EPHB2: variants seen among roughly 807,000 people sequenced by gnomAD.
The protein encoded by EPHB2 is EPH receptor B2.
EPHB2 carries 18 observed loss-of-function variants against 96.4 expected under a neutral mutation model. The ratio of observed to expected loss-of-function variants is 0.19; its 90% CI spans 0.13 to 0.28. The LOEUF (loss-of-function observed/expected upper bound fraction) is 0.28. Among genes scored for constraint, EPHB2 ranks in the 10% least tolerant of loss-of-function variants. EPHB2 has a pLI of 1.00. For missense variants in EPHB2, 989 were observed against 1,355.4 expected, an observed-to-expected ratio of 0.73 and a Z score of 4.25; for synonymous variants, 506 against 534.1, an observed-to-expected ratio of 0.95 and a Z score of 0.72.
At position 22,913,615 on chromosome 1, in the gene EPHB2, T is replaced by C. The variant is rs1157541106; in HGVS notation, c.*45T>C. The C allele has an allele frequency of 6.2e-7, 1 of 1,611,636 alleles. No homozygotes were observed. The highest frequency in any genetic ancestry group is 1.1e-5 in the South Asian group (1 of 90,488). Reference sequence around the variant, plus strand: ...ACCTCTTCCTCCAAGCCCCGCCCCCTCTGCCCCACGTGCCGGCCCTCCTGG... The same window carrying C: ...ACCTCTTCCTCCAAGCCCCGCCCCCCCTGCCCCACGTGCCGGCCCTCCTGG... On this transcript the variant is annotated 3_prime_UTR_variant, in exon 16 of 16. Transcript: ENST00000374630. This position sits in a 1 kb window ranked among gnomAD's most constrained non-coding sequence, Gnocchi z 4.1.
At chr1:22,865,575 G>A (rs908968947) in intron 5 of EPHB2, among the ~76,000 whole-genome samples, 16 of 152,198 alleles carry the variant, frequency 1.1e-4, no homozygotes, top group African/African-American at 3.9e-4. Context: ...CAGGGACCCA[G>A]GTTATTTCCG....
chr1:22,747,017 C>G (rs1418170545), intron 1 of EPHB2, among the ~76,000 whole-genome samples: 1 of 152,110 alleles, frequency 6.6e-6, no homozygotes, highest in Non-Finnish European at 1.5e-5. Context: ...CAGGAGAGTC[C>G]CTCAGTCCAA....
At chr1:22,802,279 C>T (rs1570304441) in intron 3 of EPHB2, among the ~76,000 whole-genome samples, 2 of 152,006 alleles carry the variant, frequency 1.3e-5, no homozygotes, top group Non-Finnish European at 2.9e-5. Context: ...CAGCCAAGCT[C>T]AGCTGTGTCT....
rs200675482 is a variant in EPHB2, at chr1:22,892,879, G to C, written c.1429-5G>C. On this transcript the variant is annotated splice_polypyrimidine_tract_variant and splice_region_variant and intron_variant, in intron 6 of 15. Coordinates refer to ENST00000374630, the MANE Select transcript of EPHB2 (RefSeq NM_017449.5). ...TCACTAATTTTCTTCTCTGTTCCTC[G>C]GCAGGAGCTCAGTGAGTACAACGCC... is the stretch of plus-strand genomic sequence containing the variant. 1.2e-6 allele frequency: 2 copies of C among 1,614,024 alleles called. No individual in the cohort carries two copies. The highest frequency in any genetic ancestry group is 1.7e-6 in the Non-Finnish European group (2 of 1,180,028).
rs1290834941 is a variant in EPHB2 at position 22,913,874 on chromosome 1, AG to A, written c.*307del. The A allele has an allele frequency of 3.8e-6, 6 of 1,588,144 alleles. No individual in the cohort carries two copies. In the East Asian group the frequency reaches 1.1e-4, roughly 30 times the overall value. The stretch of plus-strand genomic sequence containing the variant: ...TGACTGTTCTTGCGGGGGATAAAAA[AG>A]GGCTTGGGAGATTCATGCGATGTGT... On this transcript the variant is annotated 3_prime_UTR_variant, in exon 16 of 16. Transcript: ENST00000374630. This position sits in a 1 kb window ranked among gnomAD's most constrained non-coding sequence, Gnocchi z 4.1.
At chr1:22,734,650 G>A (rs1643786880) in intron 1 of EPHB2, among the ~76,000 whole-genome samples, 1 of 152,076 alleles carries the variant, frequency 6.6e-6, no homozygotes, top group Non-Finnish European at 1.5e-5. Context: ...TCTAACTCCT[G>A]ACCTCAGGCA....
At position 22,784,730 on chromosome 1, in the gene EPHB2, C is replaced by T. The variant is rs145478829; in HGVS notation, c.465C>T (p.Arg155=). ...ESFSQVDLGG[R]VMKINTEVRS... is the part of the protein sequence containing the mutation. ...TCTCCCAGGTGGACCTGGGTGGCCGCGTCATGAAAATCAACACCGAGGTGC... is the reference window on the plus strand; with the variant it reads ...TCTCCCAGGTGGACCTGGGTGGCCGTGTCATGAAAATCAACACCGAGGTGC... Residue 155 remains arginine (R), a synonymous_variant, in exon 3 of 16, where the codon CGC becomes CGT. Transcript: ENST00000374630. This position sits in a 1 kb window ranked among gnomAD's most constrained non-coding sequence, Gnocchi z 5.1. 22 of 1,612,876 alleles carry T rather than the reference C, an allele frequency of 1.4e-5. No individual in the cohort carries two copies. The highest frequency in any genetic ancestry group is 2.2e-5 in the East Asian group (1 of 44,850).
At chr1:22,713,677 G>A (rs1012349550) in intron 1 of EPHB2, among the ~76,000 whole-genome samples, 10 of 152,150 alleles carry the variant, frequency 6.6e-5, no homozygotes, top group African/African-American at 2.4e-4. Context: ...CAGTAGGAGG[G>A]TGGCCCCTCT....
At chr1:22,770,140 T>A (rs1238272837) in intron 1 of EPHB2, among the ~76,000 whole-genome samples, 9 of 151,854 alleles carry the variant, frequency 5.9e-5, no homozygotes, top group Non-Finnish European at 1.3e-4. Flanking sequence ...GGTAAGTGAA[T>A]GGATGGGTAC....
At chr1:22,757,347 G>C (rs947075417) in intron 1 of EPHB2, among the ~76,000 whole-genome samples, 1 of 152,150 alleles carries the variant, frequency 6.6e-6, no homozygotes, top group Non-Finnish European at 1.5e-5. Flanking sequence ...GAGACAGTCA[G>C]GGAGGGTTTC....
chr1:22,865,306 G>C, intron 5 of EPHB2, 94 bp downstream of exon 5: 2 of 1,433,634 alleles, frequency 1.4e-6, no homozygotes, highest in African/African-American at 1.4e-5. Context: ...CACATCTATG[G>C]AGTGATTTCT....
Position 22,918,077 on chromosome 1 carries a change from T to C in EPHB2, c.*4507T>C, listed in dbSNP as rs1225068381. The C allele has an allele frequency of 2.0e-5, 3 of 152,216 alleles. No homozygotes were observed. The highest frequency in any genetic ancestry group is 1.3e-4 in the Admixed American group (2 of 15,264). 9.4% of individuals were successfully genotyped at this position (152,216 alleles called of 1,614,324 possible). ...GTTCTTGAGCAGGAGGGTAGCATAG[T>C]GAGCATCAGGTTCTAGGAAGAAGCA... On this transcript the variant is annotated 3_prime_UTR_variant, in exon 16 of 16. Coordinates refer to ENST00000374630, the MANE Select transcript of EPHB2 (RefSeq NM_017449.5). The surrounding 1 kb of genome is among the most constrained non-coding windows in gnomAD (Gnocchi z 4.2).
Position 22,865,142 on chromosome 1 carries a change from G to C in EPHB2, c.1233G>C (p.Val411=), listed in dbSNP as rs550152998. Residue 411 remains valine (V), a synonymous_variant, in exon 5 of 16, where the codon GTG becomes GTC. Coordinates refer to ENST00000374630, the MANE Select transcript of EPHB2 (RefSeq NM_017449.5). The stretch of plus-strand genomic sequence containing the variant: ...AGTACACCTTCGAGATCCAGGCTGT[G>C]AACGGCGTTACTGACCAGAGCCCCT... ...HTQYTFEIQA[V]NGVTDQSPFS... is the part of the protein sequence containing the mutation. The C allele has an allele frequency of 3.4e-4, 551 of 1,614,218 alleles. 7 individuals are homozygous for C. The South Asian group carries it at 5.7e-3, about 17-fold the overall frequency.
intron 8 of EPHB2, among the ~76,000 whole-genome samples, chr1:22,896,052 G>C (rs1639550718): frequency 6.6e-6 from 1 of 152,208 alleles, no homozygotes; most frequent in Admixed American, 6.5e-5. Context: ...ACTTCTGCTG[G>C]GTATAATGCA....
intron 1 of EPHB2, among the ~76,000 whole-genome samples, chr1:22,771,951 G>A (rs1010305135): frequency 2.6e-5 from 4 of 152,058 alleles, no homozygotes; most frequent in South Asian, 2.1e-4. Context: ...AGTAGCAGGC[G>A]TCCCTCAGGG....
chr1:22,819,205 G>GTCTCTCTCTCCC, intron 3 of EPHB2, among the ~76,000 whole-genome samples: 1 of 103,470 alleles, frequency 9.7e-6, no homozygotes, highest in East Asian at 3.3e-4. Context: ...CCCAGCAGAT[G>GTCTCTCTCTCCC]TCTCTCTCTC....
intron 3 of EPHB2, among the ~76,000 whole-genome samples, chr1:22,836,306 C>T (rs969182569): frequency 3.3e-5 from 5 of 152,220 alleles, no homozygotes; most frequent in African/African-American, 4.8e-5. Flanking sequence ...ACCAGGCTCT[C>T]GGAGGCACAA....
rs1404056017 is a variant in EPHB2, at chr1:22,710,866, C to CTG, written c.-110_-109dup. ...TCTGCTGGCTGCGCGGTGGCGGCGG[C>CTG]TGTGTGTGCGCCGCGCCTTGCCGCC... On this transcript the variant is annotated 5_prime_UTR_variant, in exon 1 of 16. Coordinates refer to ENST00000374630, the MANE Select transcript of EPHB2 (RefSeq NM_017449.5). 2 of 146,058 alleles carry CTG rather than the reference C, an allele frequency of 1.4e-5. No individual in the cohort carries two copies. The highest frequency in any genetic ancestry group is 3.0e-5 in the Non-Finnish European group (2 of 65,770). 9.0% of individuals were successfully genotyped at this position (146,058 alleles called of 1,614,324 possible).
intron 1 of EPHB2, among the ~76,000 whole-genome samples, chr1:22,777,229 C>T (rs1272694213): frequency 6.6e-6 from 1 of 152,140 alleles, no homozygotes; most frequent in Non-Finnish European, 1.5e-5. Flanking sequence ...CGGCCAGTCT[C>T]TCCACCTACT....
Sources: allele counts gnomAD v4.1 joint callset (sites outside exome capture counted in the v4.1 genomes callset), GRCh38; gene constraint gnomAD v4.1.1; non-coding constraint Gnocchi (gnomAD v3.1); transcripts MANE v1.5; gene names NCBI Gene and HGNC (gene_info 2026-07-23, HGNC 2026-07-21).